SLIT2: variants seen among roughly 807,000 people sequenced by gnomAD.
SLIT2 encodes the protein slit homolog 2 protein.
Under a neutral mutation model 185.7 loss-of-function variants are expected in SLIT2, and 41 were observed. The ratio of observed to expected loss-of-function variants is 0.22; its 90% CI spans 0.17 to 0.29. The LOEUF is 0.29. Ranked by LOEUF, SLIT2 falls within the 10% of genes least tolerant of loss-of-function variation. SLIT2 has a pLI of 1.00. For missense variants in SLIT2, 1,571 were observed against 1,909.0 expected (o/e 0.82, Z 3.30); for synonymous variants, 693 against 680.2 (o/e 1.02, Z -0.29).
intron 4 of SLIT2, among the ~76,000 whole-genome samples, chr4:20,460,989 A>G (rs1395986048): frequency 6.6e-6 from 1 of 152,208 alleles, no homozygotes; most frequent in Non-Finnish European, 1.5e-5. Context: ...CTTATTTATA[A>G]CTAGGTAAAA....
intron 4 of SLIT2, among the ~76,000 whole-genome samples, chr4:20,361,332 C>A (rs980725558): frequency 6.6e-6 from 1 of 152,072 alleles, no homozygotes; most frequent in African/African-American, 2.4e-5. Context: ...ACCCATCTAC[C>A]CATCCATCAA....
intron 4 of SLIT2, among the ~76,000 whole-genome samples, chr4:20,459,823 G>A (rs1713495120): frequency 6.6e-6 from 1 of 151,212 alleles, no homozygotes; most frequent in South Asian, 2.1e-4. Flanking sequence ...CTTAACAGGA[G>A]TGTCCCTTGC....
chr4:20,480,915 C>T, intron 6 of SLIT2, 128 bp downstream of exon 6: 3 of 702,910 alleles, frequency 4.3e-6, no homozygotes, highest in Non-Finnish European at 7.5e-6. Flanking sequence ...CCTTAAATAA[C>T]TCATGGTGAA....
At position 20,516,312 on chromosome 4, in the gene SLIT2, A is replaced by G. The variant is rs913969671; in HGVS notation, c.1059-3070A>G. 2.0e-5 allele frequency among the ~76,000 whole-genome samples: 3 copies of G among 152,230 alleles called. 1 individual carries two copies. Among genetic ancestry groups the G allele is most frequent in the African/African-American group, 7.2e-5 (3 of 41,464 alleles). On this transcript the variant is annotated intron_variant, in intron 11 of 36. Transcript: ENST00000504154. ...GACTAGCAACAACAACAACAAAAAAATCTCTATCAGAGTATATGTATATTG... is the reference window on the plus strand; with the variant it reads ...GACTAGCAACAACAACAACAAAAAAGTCTCTATCAGAGTATATGTATATTG...
intron 4 of SLIT2, among the ~76,000 whole-genome samples, chr4:20,417,921 A>G (rs968872718): frequency 6.6e-6 from 1 of 152,150 alleles, no homozygotes; most frequent in Non-Finnish European, 1.5e-5. Flanking sequence ...CCTAAATGGC[A>G]TATGTGTTCC....
chr4:20,430,775 GAC>G (rs1410718491), intron 4 of SLIT2, among the ~76,000 whole-genome samples: 1 of 152,152 alleles, frequency 6.6e-6, no homozygotes, highest in Non-Finnish European at 1.5e-5. Context: ...TGCTAACAAT[GAC>G]ATCACACTTT....
In SLIT2 at chr4:20,364,352, G is replaced by C. The variant is rs1722953069; in HGVS notation, c.395+95471G>C. Reference sequence around the variant, plus strand: ...GCCTGCATTTCAGGATAGCTGGACAGTTCACCCATTAGCTCTCTACTGCAA... The same window carrying C: ...GCCTGCATTTCAGGATAGCTGGACACTTCACCCATTAGCTCTCTACTGCAA... On this transcript the variant is annotated intron_variant, in intron 4 of 36. Coordinates refer to ENST00000504154, the MANE Select transcript of SLIT2 (RefSeq NM_004787.4). 7.1e-6 allele frequency: 6 copies of C among 841,190 alleles called. 1 individual carries two copies. The South Asian group carries it at 3.3e-4, about 46-fold the overall frequency. The allele number at this position is 841,190 out of a possible 1,614,324, so 52.1% of individuals were successfully genotyped here.
intron 4 of SLIT2, among the ~76,000 whole-genome samples, chr4:20,349,993 A>G (rs1401543587): frequency 6.6e-6 from 1 of 152,196 alleles, no homozygotes; most frequent in South Asian, 2.1e-4. Context: ...AACTCATCCT[A>G]GTATTTGCAT....
Position 20,618,977 on chromosome 4 carries a change from G to T in SLIT2, c.4558G>T (p.Val1520Leu). Residue 1520 changes from valine (V) to leucine (L), a missense_variant, in exon 37 of 37, where the codon GTG becomes TTG. Val to Leu is a conservative substitution (Grantham distance 32). Around this residue, in one of 3 missense-constraint regions of SLIT2, gnomAD observed 223 missense variants for 245.2 expected, o/e 0.91. Transcript: ENST00000504154. ...CTTTGTGGACGAGGTTGAGAAAGTG[G>T]TGAAGTGCGGCTGTACGAGGTGTGT... ...SSFVDEVEKVVKCGCTRCVS is the reference protein window; with the variant it reads ...SSFVDEVEKVLKCGCTRCVS The T allele has an allele frequency of 6.2e-7, 1 of 1,614,072 alleles. No individual in the cohort carries two copies. Among genetic ancestry groups the T allele is most frequent in the East Asian group, 2.2e-5 (1 of 44,862 alleles).
chr4:20,461,272 A>T lies in SLIT2; in HGVS notation c.396-6480A>T, dbSNP rs570033882. Among the ~76,000 whole-genome samples the T allele has an allele frequency of 7.2e-5, 11 of 152,322 alleles. No homozygotes were observed. The South Asian group carries it at 1.9e-3, about 26-fold the overall frequency. The stretch of plus-strand genomic sequence containing the variant: ...ATTAAGAGCATGAAATTCATGAGTG[A>T]AGGAATGAGGTGGAAATAGAGGCAC... On this transcript the variant is annotated intron_variant, in intron 4 of 36. Transcript: ENST00000504154.
intron 4 of SLIT2, among the ~76,000 whole-genome samples, chr4:20,418,604 C>T (rs1727894942): frequency 6.6e-6 from 1 of 152,170 alleles, no homozygotes; most frequent in African/African-American, 2.4e-5. Context: ...ATTTTATTAA[C>T]TCAAACCCGA....
intron 4 of SLIT2, among the ~76,000 whole-genome samples, chr4:20,296,981 G>A (rs1716545562): frequency 6.6e-6 from 1 of 152,162 alleles, no homozygotes; most frequent in African/African-American, 2.4e-5. Flanking sequence ...ATGCGCAATC[G>A]GAAGCTCTTG....
chr4:20,565,609 C>T (rs751574790), intron 26 of SLIT2, among the ~76,000 whole-genome samples: 22 of 151,764 alleles, frequency 1.4e-4, no homozygotes, highest in Non-Finnish European at 1.0e-4. Context: ...GAATTAATGC[C>T]AGCAGTTTCC....
intron 4 of SLIT2, among the ~76,000 whole-genome samples, chr4:20,272,668 A>G (rs1002181250): frequency 7.9e-5 from 12 of 152,082 alleles, no homozygotes; most frequent in Non-Finnish European, 1.5e-4. Context: ...CTTTGAGTAT[A>G]TTATATTTAC....
intron 26 of SLIT2, among the ~76,000 whole-genome samples, chr4:20,561,544 A>C (rs1353396184): frequency 6.6e-6 from 1 of 151,798 alleles, no homozygotes; most frequent in East Asian, 1.9e-4. Context: ...TAAAGCAATG[A>C]AAAATTCAGT....
chr4:20,458,858 G>C (rs1027625820), intron 4 of SLIT2, among the ~76,000 whole-genome samples: 8 of 152,166 alleles, frequency 5.3e-5, no homozygotes, highest in African/African-American at 1.9e-4. Context: ...CTTGGTTATA[G>C]AAACAATACA....
chr4:20,478,155 C>G (rs1716320640), intron 5 of SLIT2, among the ~76,000 whole-genome samples: 1 of 152,132 alleles, frequency 6.6e-6, no homozygotes, highest in South Asian at 2.1e-4. Flanking sequence ...TGTAAACCTT[C>G]CTTTGAATAT....
chr4:20,596,518 G>A lies in SLIT2; in HGVS notation c.3424G>A (p.Glu1142Lys). 2 of 1,614,072 alleles carry A rather than the reference G, an allele frequency of 1.2e-6. No individual in the cohort carries two copies. The highest frequency in any genetic ancestry group is 1.6e-4 in the Middle Eastern group (1 of 6,062). The change falls in exon 32 of 37, where the codon GAG (glutamate) becomes AAG (lysine). Residue 1142 changes from glutamate to lysine, a missense_variant. Glu to Lys is a moderately conservative substitution (Grantham distance 56). This residue lies in a region of SLIT2 where 1,202 missense variants were observed against 1,416.4 expected (regional missense o/e 0.85). Coordinates refer to ENST00000504154, the MANE Select transcript of SLIT2 (RefSeq NM_004787.4). ...NGAQCIVRIN[E>K]PICQCLPGYQ... is the part of the protein sequence containing the mutation. ...AGCTCAGTGTATCGTCAGAATAAAT[G>A]AGCCAATATGTCAGTGTTTGCCTGG...
intron 26 of SLIT2, among the ~76,000 whole-genome samples, chr4:20,558,053 G>A (rs985681979): frequency 2.6e-5 from 4 of 151,960 alleles, no homozygotes; most frequent in African/African-American, 9.7e-5. Flanking sequence ...CAAACAAAGT[G>A]GTTTATTGAG....
Sources: gnomAD v4.1 joint callset for allele counts (sites outside exome capture counted in the v4.1 genomes callset) on GRCh38, gnomAD v4.1.1 for gene constraint, gnomAD v4.1.1 regional missense constraint, MANE v1.5 for transcripts, NCBI Gene and HGNC (gene_info 2026-07-23, HGNC 2026-07-21) for gene names.